NAA11: variants seen among roughly 807,000 people sequenced by gnomAD.
NAA11 encodes the protein N-alpha-acetyltransferase 11.
In NAA11, 15 loss-of-function variants were observed where a neutral mutation model predicts 16.1. That is an observed-to-expected ratio of 0.93 (90% CI 0.62 to 1.44). The LOEUF (loss-of-function observed/expected upper bound fraction) is 1.44. NAA11 is among the 40% of genes most tolerant of loss of function. The pLI is 0.00. For synonymous variants in NAA11, 122 were observed against 112.4 expected, an observed-to-expected ratio of 1.09 and a Z score of -0.54; for missense variants, 298 against 291.3, an observed-to-expected ratio of 1.02 and a Z score of -0.17.
chr4:79,217,666 G>C, the NAA11 span, among the ~76,000 whole-genome samples: 8 of 152,122 alleles, frequency 5.3e-5, no homozygotes, highest in East Asian at 1.9e-4. Context: ...AATTACACTT[G>C]AGCTAAACTA....
chr4:79,258,233 T>A (rs1391249764), intron 2 of NAA11, among the ~76,000 whole-genome samples: 1 of 152,236 alleles, frequency 6.6e-6, no homozygotes, highest in East Asian at 1.9e-4. Flanking sequence ...TTCCAAGTTG[T>A]GGCTGCAGAC....
intron 2 of NAA11, among the ~76,000 whole-genome samples, chr4:79,226,992 A>T (rs993713159): frequency 6.6e-6 from 1 of 152,128 alleles, no homozygotes; most frequent in Admixed American, 6.5e-5. Context: ...TAGATCCCTG[A>T]GGAATCGCCA....
At chr4:79,274,786 G>T (rs763368689) in intron 2 of NAA11, among the ~76,000 whole-genome samples, 4 of 152,076 alleles carry the variant, frequency 2.6e-5, no homozygotes, top group Non-Finnish European at 4.4e-5. Flanking sequence ...GCATGACTAA[G>T]CTCTGGATAT....
At chr4:79,250,820 G>A (rs184925035) in intron 2 of NAA11, among the ~76,000 whole-genome samples, 1 of 152,286 alleles carries the variant, frequency 6.6e-6, no homozygotes, top group East Asian at 1.9e-4. Context: ...GACTTGAAAA[G>A]AGAGTTTTCA....
At chr4:79,226,595 C>A (rs1014682329) in intron 2 of NAA11, among the ~76,000 whole-genome samples, 4 of 120,598 alleles carry the variant, frequency 3.3e-5, no homozygotes, top group African/African-American at 1.3e-4. Flanking sequence ...CACCCCACAA[C>A]AGGCACCAGT....
chr4:79,220,070 C>T, the NAA11 span, among the ~76,000 whole-genome samples: 1 of 152,198 alleles, frequency 6.6e-6, no homozygotes, highest in African/African-American at 2.4e-5. Flanking sequence ...GGCTAGCATG[C>T]TCACTGCTAC....
intron 2 of NAA11, among the ~76,000 whole-genome samples, chr4:79,232,670 T>C (rs1456177834): frequency 6.6e-6 from 1 of 151,962 alleles, no homozygotes; most frequent in Non-Finnish European, 1.5e-5. Context: ...TGGCATATCA[T>C]ATGAAATGAG....
At chr4:79,255,879 A>G (rs1033979797) in intron 2 of NAA11, among the ~76,000 whole-genome samples, 2 of 152,346 alleles carry the variant, frequency 1.3e-5, no homozygotes. Context: ...GCAGATTAAA[A>G]GGTATTTTAT....
the NAA11 span, among the ~76,000 whole-genome samples, chr4:79,175,645 C>T: frequency 6.6e-6 from 1 of 151,460 alleles, no homozygotes; most frequent in African/African-American, 2.4e-5. Context: ...TCATTTTTCT[C>T]CTGATAAACC....
the NAA11 span, among the ~76,000 whole-genome samples, chr4:79,195,656 G>T: frequency 6.6e-6 from 1 of 152,006 alleles, no homozygotes; most frequent in African/African-American, 2.4e-5. Context: ...GTTTGGCTGT[G>T]CCCCACCCAA....
chr4:79,184,480 GTAATA>G, the NAA11 span, among the ~76,000 whole-genome samples: 4 of 152,180 alleles, frequency 2.6e-5, no homozygotes, highest in South Asian at 6.2e-4. Flanking sequence ...CACTCAGTAA[GTAATA>G]TAAGAACTTC....
chr4:79,217,225 G>T, the NAA11 span, among the ~76,000 whole-genome samples: 1 of 152,156 alleles, frequency 6.6e-6, no homozygotes, highest in Non-Finnish European at 1.5e-5. Context: ...AGATCAACTT[G>T]TCTGTGTTCT....
chr4:79,280,298 C>A (rs1256616733), intron 2 of NAA11, among the ~76,000 whole-genome samples: 2 of 151,868 alleles, frequency 1.3e-5, no homozygotes, highest in African/African-American at 2.4e-5. Context: ...GTTGGTAAGA[C>A]CAGGAATCAC....
At chr4:79,321,102 T>C (rs906905182) in intron 1 of NAA11, among the ~76,000 whole-genome samples, 1 of 152,104 alleles carries the variant, frequency 6.6e-6, no homozygotes. Context: ...ACGCCCAAGT[T>C]TGTGAAGCAG....
At chr4:79,252,781 A>G (rs1481257407) in intron 2 of NAA11, among the ~76,000 whole-genome samples, 2 of 152,238 alleles carry the variant, frequency 1.3e-5, no homozygotes, top group Non-Finnish European at 2.9e-5. Flanking sequence ...AGATGATGTT[A>G]AAGAGATATG....
intron 1 of NAA11, among the ~76,000 whole-genome samples, chr4:79,301,686 C>T (rs939641781): frequency 6.6e-6 from 1 of 152,186 alleles, no homozygotes; most frequent in African/African-American, 2.4e-5. Context: ...AGCAGAAGAG[C>T]TCCAGCATGG....
At chr4:79,181,324 T>G in the NAA11 span, among the ~76,000 whole-genome samples, 1 of 152,004 alleles carries the variant, frequency 6.6e-6, no homozygotes, top group Admixed American at 6.6e-5. Flanking sequence ...GGGAGGTGCG[T>G]TCTTGCTCAC....
chr4:79,267,339 G>C (rs1279203497), intron 2 of NAA11, among the ~76,000 whole-genome samples: 1 of 152,126 alleles, frequency 6.6e-6, no homozygotes, highest in African/African-American at 2.4e-5. Context: ...ATTACACTTG[G>C]GGAGAGGCTT....
At chr4:79,232,531 A>G (rs182563609) in intron 2 of NAA11, among the ~76,000 whole-genome samples, 2 of 152,100 alleles carry the variant, frequency 1.3e-5, no homozygotes, top group Admixed American at 6.6e-5. Context: ...TATGCAGCAG[A>G]TACCTGGGAA....
Sources: gnomAD v4.1 joint callset for allele counts (sites outside exome capture counted in the v4.1 genomes callset) on GRCh38, gnomAD v4.1.1 for gene constraint, MANE v1.5 for transcripts, NCBI Gene and HGNC (gene_info 2026-07-23, HGNC 2026-07-21) for gene names.